GBP7: variants seen among roughly 807,000 people sequenced by gnomAD.
GBP7 encodes the protein guanylate-binding protein 7.
Under a neutral mutation model 61.3 loss-of-function variants are expected in GBP7, and 43 were observed. That is an observed-to-expected ratio of 0.70 (90% confidence interval 0.55 to 0.91). GBP7 has a LOEUF of 0.91. Ranked by LOEUF, GBP7 falls within the 40% of genes least tolerant of loss-of-function variation. GBP7 has a pLI of 0.00. For synonymous variants in GBP7, 267 were observed against 271.0 expected, an observed-to-expected ratio of 0.99 and a Z score of 0.14; for missense variants, 717 against 740.5, an observed-to-expected ratio of 0.97 and a Z score of 0.37.
At chr1:89,173,284 A>G (rs115893779) in intron 1 of GBP7, among the ~76,000 whole-genome samples, 2,942 of 152,308 alleles carry the variant, frequency 0.019, 34 homozygotes, top group Middle Eastern at 0.044. Flanking sequence ...TAAGAAATAT[A>G]TGTATGTATA....
At chr1:89,132,532 G>T in intron 10 of GBP7, 129 bp from the exon 11 acceptor site, 1 of 676,738 alleles carries the variant, frequency 1.5e-6, no homozygotes. Flanking sequence ...TGATGAGTTG[G>T]TCTGACATTT....
At chr1:89,156,146 C>G (rs60980496) in intron 3 of GBP7, among the ~76,000 whole-genome samples, 1 of 152,096 alleles carries the variant, frequency 6.6e-6, no homozygotes, top group Non-Finnish European at 1.5e-5. Context: ...TACAGACAAG[C>G]GAATGCTGAG....
chr1:89,149,616 C>G, intron 6 of GBP7, 44 bp from the exon 7 acceptor site: 1 of 1,542,918 alleles, frequency 6.5e-7, no homozygotes, highest in Non-Finnish European at 8.8e-7. Flanking sequence ...AAAGTTTTCA[C>G]TCATTGTTTT....
Position 89,147,716 on chromosome 1 carries a change from A to T in GBP7, c.1216T>A (p.Cys406Ser), listed in dbSNP as rs1451124895. Residue 406 changes from cysteine to serine, a missense_variant, in exon 8 of 11, where the codon TGT becomes AGT. Around this residue, in one of 3 missense-constraint regions of GBP7, gnomAD observed 312 missense variants for 310.1 expected, o/e 1.01. Coordinates refer to ENST00000294671, the MANE Select transcript of GBP7 (RefSeq NM_207398.3). ...GAAAGCCGCTTAAGCTCAGCCTGAC[A>T]ATATTTGGCAGATGCCTCTTCATTC... Reference protein sequence around the residue: ...LQNEEASAKYCQAELKRLSEL... With the variant: ...LQNEEASAKYSQAELKRLSEL... The T allele has an allele frequency of 4.3e-6, 7 of 1,614,174 alleles. No homozygotes were observed. The highest frequency in any genetic ancestry group is 5.9e-6 in the Non-Finnish European group (7 of 1,180,000).
intron 9 of GBP7, among the ~76,000 whole-genome samples, chr1:89,140,984 G>C (rs1681930722): frequency 1.3e-5 from 2 of 152,086 alleles, no homozygotes; most frequent in Admixed American, 1.3e-4. Context: ...ACTTATGAGT[G>C]GGAACTAAAT....
intron 2 of GBP7, among the ~76,000 whole-genome samples, chr1:89,170,453 C>T (rs1445832960): frequency 6.6e-6 from 1 of 152,102 alleles, no homozygotes; most frequent in Non-Finnish European, 1.5e-5. Flanking sequence ...TAGCCTGAAA[C>T]CCACTCCTTC....
In GBP7 at chr1:89,171,695, CTG is replaced by C. The variant is rs755655273; in HGVS notation, c.190+49_190+50del. 13 of 1,520,652 alleles carry C rather than the reference CTG, an allele frequency of 8.5e-6. No individual in the cohort carries two copies. In the South Asian group the frequency reaches 1.2e-4, roughly 14 times the overall value. The allele number at this position is 1,520,652 out of a possible 1,614,324, so 94.2% of individuals were successfully genotyped here. ...ATCCCATCTTCATACTAGATACTGA[CTG>C]TGTAACTGGACAGATGGGGCTCATC... On this transcript the variant is annotated intron_variant, in intron 2 of 10. Transcript: ENST00000294671.
Position 89,152,282 on chromosome 1 carries a change from AAGGCATTCTCC to A in GBP7, c.600_610del (p.Asn202AlafsTer13), listed in dbSNP as rs1682219448. 1 of 1,614,000 alleles carries A rather than the reference AAGGCATTCTCC, an allele frequency of 6.2e-7. No homozygotes were observed. The highest frequency in any genetic ancestry group is 1.1e-5 in the South Asian group (1 of 91,066). On this transcript the variant is annotated frameshift_variant, in exon 5 of 11. Transcript: ENST00000294671. LOFTEE classifies it high-confidence loss of function. ...TGCTCTGATACCTGAAATCAGCTTC[AAGGCATTCTCC>A]AGGTACTCATCTTCTGTGATGGGGT...
At chr1:89,146,841 A>G (rs1682077381) in intron 8 of GBP7, among the ~76,000 whole-genome samples, 1 of 152,198 alleles carries the variant, frequency 6.6e-6, no homozygotes, top group Admixed American at 6.6e-5. Flanking sequence ...CGTTGGGAGG[A>G]AATTAGTATA....
At chr1:89,161,554 T>G (rs138683018) in intron 3 of GBP7, among the ~76,000 whole-genome samples, 1,773 of 152,312 alleles carry the variant, frequency 0.012, 37 homozygotes, top group African/African-American at 0.039. Flanking sequence ...TCCATATGAT[T>G]GTTGGCTGCA....
chr1:89,146,466 C>T (rs1036114267), intron 8 of GBP7, among the ~76,000 whole-genome samples: 1 of 151,810 alleles, frequency 6.6e-6, no homozygotes, highest in African/African-American at 2.4e-5. Context: ...AATGAAAAAA[C>T]AAAGAAAGGA....
chr1:89,150,942 GTA>G (rs759567199), intron 5 of GBP7, among the ~76,000 whole-genome samples: 1 of 152,116 alleles, frequency 6.6e-6, no homozygotes, highest in African/African-American at 2.4e-5. Flanking sequence ...TTTAAAAATT[GTA>G]TATATTTAAG....
intron 2 of GBP7, among the ~76,000 whole-genome samples, chr1:89,168,781 A>AAAC (rs34186424): frequency 0.21 from 31,715 of 150,076 alleles, 3,514 homozygotes; most frequent in East Asian, 0.38. Flanking sequence ...CTAAAAATAC[A>AAAC]AACAACAACA....
Position 89,150,446 on chromosome 1 carries a change from A to C in GBP7, c.755T>G (p.Val252Gly). 1.2e-6 allele frequency: 2 copies of C among 1,614,114 alleles called. No homozygotes were observed. Among genetic ancestry groups the C allele is most frequent in the East Asian group, 4.5e-5 (2 of 44,872 alleles). ...ATTACTATCCAGTTGGTCTTCTCGT[A>C]CTTCTTCAACATGGAGTAAGAGTTT... ...DKKLLLHVEE[V>G]REDQLDSNFQ... The change falls in exon 6 of 11, where the codon GTA (valine) becomes GGA (glycine). Residue 252 changes from valine to glycine, a missense_variant. Coordinates refer to ENST00000294671, the MANE Select transcript of GBP7 (RefSeq NM_207398.3).
intron 3 of GBP7, among the ~76,000 whole-genome samples, chr1:89,157,802 T>C (rs910854392): frequency 6.6e-6 from 1 of 152,032 alleles, no homozygotes; most frequent in Admixed American, 6.6e-5. Context: ...GGTACCATTC[T>C]TTCTGAAACT....
In GBP7 at chr1:89,132,031, G is replaced by A; in HGVS notation, c.*118C>T. ...ATTAAGTTTGTTTTTATGAACTTCA[G>A]GCCATAATATTCTTTGAAATTTGCT... On this transcript the variant is annotated 3_prime_UTR_variant, in exon 11 of 11. Coordinates refer to ENST00000294671, the MANE Select transcript of GBP7 (RefSeq NM_207398.3). 1 of 707,818 alleles carries A rather than the reference G, an allele frequency of 1.4e-6. No homozygotes were observed. The highest frequency in any genetic ancestry group is 2.2e-6 in the Non-Finnish European group (1 of 454,780). 43.8% of individuals were successfully genotyped at this position (707,818 alleles called of 1,614,324 possible). A position where few individuals can be genotyped will look rare whatever the true frequency, so the allele number is the denominator to read the frequency against.
intron 8 of GBP7, 96 bp downstream of exon 8, chr1:89,147,471 C>T (rs767630682): frequency 4.1e-4 from 373 of 905,864 alleles, no homozygotes; most frequent in Non-Finnish European, 6.0e-4. Context: ...CAATTTTTGT[C>T]GATAAATGGT....
chr1:89,152,525 A>C, intron 4 of GBP7, 61 bp from the exon 5 acceptor site: 1 of 1,558,114 alleles, frequency 6.4e-7, no homozygotes, highest in Non-Finnish European at 8.8e-7. Context: ...CTCACTTAGA[A>C]ACAAGTTTTA....
At chr1:89,141,020 A>G (rs1681932050) in intron 9 of GBP7, among the ~76,000 whole-genome samples, 1 of 152,108 alleles carries the variant, frequency 6.6e-6, no homozygotes. Flanking sequence ...ACACAAAGGG[A>G]CCAATAGACA....
Sources: allele counts gnomAD v4.1 joint callset (sites outside exome capture counted in the v4.1 genomes callset), GRCh38; gene constraint gnomAD v4.1.1; regional missense constraint gnomAD v4.1.1; transcripts MANE v1.5; gene names NCBI Gene and HGNC (gene_info 2026-07-23, HGNC 2026-07-21).